The following ABRACL variants were observed in gnomAD, a reference collection of about 807,000 sequenced individuals.
ABRACL encodes the protein ABRA C-terminal like.
Under a neutral mutation model 7.0 loss-of-function variants are expected in ABRACL, and 4 were observed. The observed-to-expected ratio is 0.57, with a 90% confidence interval of 0.28 to 1.30. The LOEUF is 1.30. Among genes scored for constraint, ABRACL ranks in the 50% most tolerant of loss-of-function variants. The pLI is 0.10. For missense variants in ABRACL, 104 were observed against 97.3 expected (o/e 1.07, Z -0.29); for synonymous variants, 30 against 36.0 (o/e 0.83, Z 0.60).
chr6:139,034,141 T>C lies in ABRACL; in HGVS notation c.-6-14T>C. 1.2e-6 allele frequency: 2 copies of C among 1,614,162 alleles called. No homozygotes were observed. Among genetic ancestry groups the C allele is most frequent in the Non-Finnish European group, 1.7e-6 (2 of 1,180,038 alleles). ...TAATGGTGATAATTTAGACTTCCTTTTTTTCTCTCCCAGGCAGCAATGAAT... is the reference window on the plus strand; with the variant it reads ...TAATGGTGATAATTTAGACTTCCTTCTTTTCTCTCCCAGGCAGCAATGAAT... On this transcript the variant is annotated splice_polypyrimidine_tract_variant and intron_variant, in intron 1 of 2. Transcript: ENST00000367660.
At chr6:139,036,961 G>C (rs964536411) in intron 2 of ABRACL, among the ~76,000 whole-genome samples, 13 of 152,174 alleles carry the variant, frequency 8.5e-5, no homozygotes, top group Admixed American at 5.9e-4. Context: ...TCCACCCTGG[G>C]GGACAGAGTG....
intron 1 of ABRACL, among the ~76,000 whole-genome samples, chr6:139,032,924 C>T (rs564084467): frequency 6.6e-6 from 1 of 152,290 alleles, no homozygotes; most frequent in South Asian, 2.1e-4. Context: ...AGTCAGATCC[C>T]TGCAGAGGGG....
At position 139,042,923 on chromosome 6, in the gene ABRACL, T is replaced by G; in HGVS notation, c.*20T>G. The stretch of plus-strand genomic sequence containing the variant: ...GATTAATGTGGTTTACATATCTTTA[T>G]GTACTGCCATTTTTTGTTTCTGGTA... On this transcript the variant is annotated 3_prime_UTR_variant, in exon 3 of 3. Coordinates refer to ENST00000367660, the MANE Select transcript of ABRACL (RefSeq NM_021243.3). 2 of 1,549,278 alleles carry G rather than the reference T, an allele frequency of 1.3e-6. No individual in the cohort carries two copies. The highest frequency in any genetic ancestry group is 1.4e-5 in the African/African-American group (1 of 72,772).
rs578098439 is a variant in ABRACL at position 139,043,055 on chromosome 6, A to G, written c.*152A>G. The G allele has an allele frequency of 1.8e-6, 1 of 555,566 alleles. No homozygotes were observed. Among genetic ancestry groups the G allele is most frequent in the Non-Finnish European group, 2.9e-6 (1 of 347,286 alleles). The allele number at this position is 555,566 out of a possible 1,614,324, so 34.4% of individuals were successfully genotyped here. A position where few individuals can be genotyped will look rare whatever the true frequency, so the allele number is the denominator to read the frequency against. ...ATGTTTTAGAAGTCTGTCCTTTTTT[A>G]TATCTTGAAAGAAAATCTATGTATG... On this transcript the variant is annotated 3_prime_UTR_variant, in exon 3 of 3. Coordinates refer to ENST00000367660, the MANE Select transcript of ABRACL (RefSeq NM_021243.3).
At chr6:139,031,068 G>A (rs1477537475) in intron 1 of ABRACL, among the ~76,000 whole-genome samples, 4 of 152,160 alleles carry the variant, frequency 2.6e-5, no homozygotes, top group African/African-American at 9.7e-5. Context: ...GCTGGAGGTG[G>A]GAGGAAGGAG....
chr6:139,029,785 T>A (rs1458931898), intron 1 of ABRACL, among the ~76,000 whole-genome samples: 1 of 152,190 alleles, frequency 6.6e-6, no homozygotes, highest in African/African-American at 2.4e-5. Flanking sequence ...TGGGAAAACG[T>A]GCCCAGCCCG....
At chr6:139,041,125 G>A (rs1248144702) in intron 2 of ABRACL, among the ~76,000 whole-genome samples, 3 of 152,104 alleles carry the variant, frequency 2.0e-5, no homozygotes, top group African/African-American at 4.8e-5. Flanking sequence ...CAATGAAGAC[G>A]AGGAAAAAGA....
In ABRACL at chr6:139,043,070, ATC is replaced by A; in HGVS notation, c.*169_*170del. The A allele has an allele frequency of 2.0e-6, 1 of 505,700 alleles. No homozygotes were observed. Among genetic ancestry groups the A allele is most frequent in the Non-Finnish European group, 3.3e-6 (1 of 305,306 alleles). 31.3% of individuals were successfully genotyped at this position (505,700 alleles called of 1,614,324 possible). ...GTCCTTTTTTATATCTTGAAAGAAAATCTATGTATGATGCTATAAAATAAATC... is the reference window on the plus strand; with the variant it reads ...GTCCTTTTTTATATCTTGAAAGAAAATATGTATGATGCTATAAAATAAATC... On this transcript the variant is annotated 3_prime_UTR_variant, in exon 3 of 3. Transcript: ENST00000367660.
chr6:139,039,854 G>A (rs1012374517), intron 2 of ABRACL, among the ~76,000 whole-genome samples: 2 of 152,086 alleles, frequency 1.3e-5, no homozygotes, highest in South Asian at 2.1e-4. Flanking sequence ...GCTCACACCT[G>A]TAATCCCAGC....
intron 2 of ABRACL, among the ~76,000 whole-genome samples, chr6:139,036,657 C>T (rs987801529): frequency 9.9e-5 from 15 of 152,204 alleles, no homozygotes; most frequent in African/African-American, 3.4e-4. Flanking sequence ...TCCTTTTCCT[C>T]AGGGATTTTA....
At chr6:139,035,517 C>CT (rs1786140217) in intron 2 of ABRACL, among the ~76,000 whole-genome samples, 1 of 151,776 alleles carries the variant, frequency 6.6e-6, no homozygotes, top group Non-Finnish European at 1.5e-5. Flanking sequence ...GAATCTTACT[C>CT]TGTCACTCAG....
At chr6:139,029,568 C>T (rs1052134353) in intron 1 of ABRACL, among the ~76,000 whole-genome samples, 1 of 152,130 alleles carries the variant, frequency 6.6e-6, no homozygotes, top group African/African-American at 2.4e-5. Flanking sequence ...CCCAGCCCCG[C>T]GCTCCCCAGC....
Position 139,034,237 on chromosome 6 carries a change from A to G in ABRACL, c.61+16A>G. On this transcript the variant is annotated intron_variant, in intron 2 of 2. Coordinates refer to ENST00000367660, the MANE Select transcript of ABRACL (RefSeq NM_021243.3). ...GGTTCAAAAAGTAAGTATCTGACAGAGATAGAGTATTTCTCCTGGCTTTAC... is the reference window on the plus strand; with the variant it reads ...GGTTCAAAAAGTAAGTATCTGACAGGGATAGAGTATTTCTCCTGGCTTTAC... 1 of 1,614,208 alleles carries G rather than the reference A, an allele frequency of 6.2e-7. No homozygotes were observed.
chr6:139,043,022 G>C lies in ABRACL; in HGVS notation c.*119G>C. On this transcript the variant is annotated 3_prime_UTR_variant, in exon 3 of 3. Transcript: ENST00000367660. ...TTTTTATAGAACTTTGTAAACGAAA[G>C]GAGATTCATGTTTTAGAAGTCTGTC... The C allele has an allele frequency of 1.2e-6, 1 of 810,824 alleles. No individual in the cohort carries two copies. The highest frequency in any genetic ancestry group is 2.9e-5 in the East Asian group (1 of 34,478). 50.2% of individuals were successfully genotyped at this position (810,824 alleles called of 1,614,324 possible).
At chr6:139,034,545 C>T (rs114182887) in intron 2 of ABRACL, 3 of 902,742 alleles carry the variant, frequency 3.3e-6, no homozygotes. Context: ...ACTTGTCATA[C>T]TATTAAAATT....
chr6:139,034,539 G>T lies in ABRACL; in HGVS notation c.61+318G>T, dbSNP rs562477953. The stretch of plus-strand genomic sequence containing the variant: ...TTGAATCATGTTCAAATTTTTACTT[G>T]TCATACTATTAAAATTCATGTTTTC... On this transcript the variant is annotated intron_variant, in intron 2 of 2. Transcript: ENST00000367660. 3.5e-5 allele frequency: 33 copies of T among 941,740 alleles called. No homozygotes were observed. In the East Asian group the frequency reaches 7.1e-4, roughly 20 times the overall value. The allele number at this position is 941,740 out of a possible 1,614,324, so 58.3% of individuals were successfully genotyped here. A position where few individuals can be genotyped will look rare whatever the true frequency, so the allele number is the denominator to read the frequency against.
intron 1 of ABRACL, among the ~76,000 whole-genome samples, chr6:139,029,931 C>G (rs1334343238): frequency 6.6e-6 from 1 of 152,180 alleles, no homozygotes. Context: ...TAAATACATT[C>G]TAAAGTGTGT....
chr6:139,040,055 G>A (rs948023028), intron 2 of ABRACL, among the ~76,000 whole-genome samples: 5 of 151,962 alleles, frequency 3.3e-5, no homozygotes, highest in Non-Finnish European at 5.9e-5. Context: ...TCACACCACT[G>A]CACTCCAGCC....
At chr6:139,041,661 G>A (rs1236301700) in intron 2 of ABRACL, among the ~76,000 whole-genome samples, 3 of 151,256 alleles carry the variant, frequency 2.0e-5, no homozygotes, top group African/African-American at 7.3e-5. Flanking sequence ...GCACTCGGCC[G>A]GGATGTATTT....
Sources: allele counts gnomAD v4.1 joint callset (sites outside exome capture counted in the v4.1 genomes callset), GRCh38; gene constraint gnomAD v4.1.1; transcripts MANE v1.5; gene names NCBI Gene and HGNC (gene_info 2026-07-23, HGNC 2026-07-21).